UGT1A9: variants seen among roughly 807,000 people sequenced by gnomAD.
UGT1A9 encodes UDP glucuronosyltransferase family 1 member A9.
Under a neutral mutation model 45.0 loss-of-function variants are expected in UGT1A9, and 35 were observed. The observed-to-expected ratio is 0.78, with a 90% CI of 0.59 to 1.03. The LOEUF is 1.03. UGT1A9 is among the 50% of genes least tolerant of loss of function. The pLI, the probability that UGT1A9 is intolerant of heterozygous loss-of-function variation, is 0.00. For synonymous variants in UGT1A9, 278 were observed against 250.6 expected (o/e 1.11, Z -1.03); for missense variants, 687 against 666.6 (o/e 1.03, Z -0.34).
At chr2:233,743,729 T>C (rs767611267) in intron 1 of UGT1A9, 12 of 1,367,246 alleles carry the variant, frequency 8.8e-6, no homozygotes, top group South Asian at 2.3e-5. Flanking sequence ...GTCATAGATA[T>C]CGCGTTTCTT....
intron 1 of UGT1A9, chr2:233,693,716 A>G (rs758904923): frequency 1.2e-6 from 2 of 1,614,204 alleles, no homozygotes; most frequent in Non-Finnish European, 8.5e-7. Context: ...AGCTGTCCTC[A>G]AGAGAGATGT....
chr2:233,675,199 C>T (rs571502829), intron 1 of UGT1A9, among the ~76,000 whole-genome samples: 5 of 152,178 alleles, frequency 3.3e-5, no homozygotes, highest in South Asian at 2.1e-4. Flanking sequence ...CAGATGGCCC[C>T]GTCTTCAATG....
intron 1 of UGT1A9, among the ~76,000 whole-genome samples, chr2:233,688,900 G>C (rs970551522): frequency 4.6e-5 from 7 of 152,256 alleles, no homozygotes; most frequent in African/African-American, 1.2e-4. Context: ...GGAGAAGTTG[G>C]GGGGATGGTG....
intron 1 of UGT1A9, among the ~76,000 whole-genome samples, chr2:233,723,589 G>T (rs2077103312): frequency 9.1e-6 from 1 of 109,944 alleles, no homozygotes; most frequent in Non-Finnish European, 1.8e-5. Context: ...GGGGGATTTG[G>T]CAGGGTCATG....
intron 1 of UGT1A9, chr2:233,693,983 G>A (rs1179737646): frequency 9.7e-6 from 15 of 1,552,110 alleles, no homozygotes; most frequent in African/African-American, 1.4e-5. Context: ...ACGGTGGGGG[G>A]AAGTGATACC....
chr2:233,731,071 A>T (rs1317636951), intron 1 of UGT1A9, among the ~76,000 whole-genome samples: 1 of 151,958 alleles, frequency 6.6e-6, no homozygotes, highest in Admixed American at 6.6e-5. Flanking sequence ...CATGATTTAG[A>T]TCCTTTTGTA....
intron 1 of UGT1A9, chr2:233,747,267 CCTT>C: frequency 6.3e-7 from 1 of 1,599,532 alleles, no homozygotes; most frequent in Non-Finnish European, 8.5e-7. Context: ...GAGTGCTACT[CCTT>C]CTCAGTGCCC....
At chr2:233,762,823 A>T (rs1219998858) in intron 1 of UGT1A9, among the ~76,000 whole-genome samples, 1 of 151,946 alleles carries the variant, frequency 6.6e-6, no homozygotes, top group East Asian at 1.9e-4. Context: ...ATTGATTTTC[A>T]TAATAAAAAA....
rs771993243 is a variant in UGT1A9, at chr2:233,755,018, C to T, written c.856-12016C>T. On this transcript the variant is annotated intron_variant, in intron 1 of 4. Transcript: ENST00000354728. ...AGCTGAAGACCTACTCGAAGGGGTC[C>T]TTGAAGGGCCTGCCGCCTGCGCAGC... 3.8e-6 allele frequency: 5 copies of T among 1,302,150 alleles called. No homozygotes were observed. The South Asian group carries it at 4.6e-5, about 12-fold the overall frequency. The allele number at this position is 1,302,150 out of a possible 1,614,324, so 80.7% of individuals were successfully genotyped here.
chr2:233,730,050 A>G (rs763653483), intron 1 of UGT1A9: 3 of 1,612,234 alleles, frequency 1.9e-6, no homozygotes, highest in Non-Finnish European at 1.7e-6. Context: ...TTTTAAAAAA[A>G]TGTATTTATT....
At chr2:233,724,407 G>T (rs1452797462) in intron 1 of UGT1A9, among the ~76,000 whole-genome samples, 1 of 141,630 alleles carries the variant, frequency 7.1e-6, no homozygotes, top group Non-Finnish European at 1.5e-5. Flanking sequence ...CCCAGATGGG[G>T]TGGCTGCCGG....
At chr2:233,771,903 G>C (rs937853722) in intron 4 of UGT1A9, among the ~76,000 whole-genome samples, 1 of 151,428 alleles carries the variant, frequency 6.6e-6, no homozygotes, top group Non-Finnish European at 1.5e-5. Context: ...AACCTTTCAG[G>C]TGATAATAGT....
At chr2:233,729,970 G>A in intron 1 of UGT1A9, 4 of 1,614,030 alleles carry the variant, frequency 2.5e-6, no homozygotes, top group Non-Finnish European at 3.4e-6. Flanking sequence ...CATCAACTGT[G>A]CCAACAGGAA....
intron 1 of UGT1A9, among the ~76,000 whole-genome samples, chr2:233,695,976 G>A (rs1024119287): frequency 6.6e-6 from 1 of 152,118 alleles, no homozygotes; most frequent in African/African-American, 2.4e-5. Flanking sequence ...ATTCAGTTCT[G>A]AAGATGTCCA....
intron 1 of UGT1A9, among the ~76,000 whole-genome samples, chr2:233,723,158 A>G (rs1188263696): frequency 7.4e-6 from 1 of 135,668 alleles, no homozygotes; most frequent in Non-Finnish European, 1.5e-5. Flanking sequence ...CATTTGCTTT[A>G]GTTTCAGTGC....
intron 1 of UGT1A9, among the ~76,000 whole-genome samples, chr2:233,748,582 G>T (rs1210700498): frequency 4.6e-5 from 7 of 151,806 alleles, no homozygotes; most frequent in Non-Finnish European, 1.0e-4. Flanking sequence ...TAAAGAGGTT[G>T]ACTCAGTTCA....
At chr2:233,747,217 G>T in intron 1 of UGT1A9, 3 of 1,605,392 alleles carry the variant, frequency 1.9e-6, no homozygotes, top group Non-Finnish European at 1.7e-6. Flanking sequence ...TGCTGAGATG[G>T]CCACAGGACC....
chr2:233,738,711 A>G (rs1264212613), intron 1 of UGT1A9, among the ~76,000 whole-genome samples: 1 of 152,268 alleles, frequency 6.6e-6, no homozygotes, highest in Non-Finnish European at 1.5e-5. Context: ...GAAGCAGAGC[A>G]TAAAAGTTTG....
rs751107175 is a variant in UGT1A9, at chr2:233,761,195, A to G, written c.856-5839A>G. On this transcript the variant is annotated intron_variant, in intron 1 of 4. Coordinates refer to ENST00000354728, the MANE Select transcript of UGT1A9 (RefSeq NM_021027.3). ...CTTTTACATGCGTATATTCTTTCAG[A>G]TGTATTACTTTGGATCGATTAACTA... The G allele has an allele frequency of 4.3e-6, 7 of 1,613,994 alleles. No individual in the cohort carries two copies. The African/African-American group carries it at 8.0e-5, about 18-fold the overall frequency.
Sources: gnomAD v4.1 joint callset for allele counts (sites outside exome capture counted in the v4.1 genomes callset) on GRCh38, gnomAD v4.1.1 for gene constraint, MANE v1.5 for transcripts, NCBI Gene and HGNC (gene_info 2026-07-23, HGNC 2026-07-21) for gene names.